CNTLN: variants seen among roughly 807,000 people sequenced by gnomAD.
The protein encoded by CNTLN is centlein.
In CNTLN, 212 loss-of-function variants were observed where a neutral mutation model predicts 180.0. The ratio of observed to expected loss-of-function variants is 1.18; its 90% CI spans 1.05 to 1.32. The LOEUF (loss-of-function observed/expected upper bound fraction) is 1.32, where lower values mean the gene tolerates loss of function less well. CNTLN is among the 40% of genes most tolerant of loss of function. The pLI is 0.00. For synonymous variants in CNTLN, 722 were observed against 563.1 expected, an observed-to-expected ratio of 1.28 and a Z score of -3.99; for missense variants, 2,095 against 1,610.9, an observed-to-expected ratio of 1.30 and a Z score of -5.14.
At chr9:17,398,605 T>C (rs1007294886) in intron 15 of CNTLN, among the ~76,000 whole-genome samples, 1 of 152,198 alleles carries the variant, frequency 6.6e-6, no homozygotes, top group African/African-American at 2.4e-5. Flanking sequence ...TGGTTCCAAC[T>C]GATTTCAGCT....
intron 8 of CNTLN, among the ~76,000 whole-genome samples, chr9:17,324,406 G>T (rs1469322923): frequency 6.6e-6 from 1 of 152,100 alleles, no homozygotes; most frequent in Non-Finnish European, 1.5e-5. Context: ...GAAATTTATA[G>T]AAAAATCAGT....
intron 8 of CNTLN, among the ~76,000 whole-genome samples, chr9:17,313,053 C>G (rs1425799397): frequency 6.6e-6 from 1 of 151,874 alleles, no homozygotes. Flanking sequence ...TAAATGGAAC[C>G]CTTTCTCATT....
At chr9:17,291,476 A>T (rs1050153301) in intron 6 of CNTLN, among the ~76,000 whole-genome samples, 4 of 152,114 alleles carry the variant, frequency 2.6e-5, no homozygotes, top group African/African-American at 9.7e-5. Flanking sequence ...TTGTTTTATG[A>T]ATCTGGGTGC....
At chr9:17,212,315 T>C (rs532326593) in intron 2 of CNTLN, among the ~76,000 whole-genome samples, 31 of 152,388 alleles carry the variant, frequency 2.0e-4, no homozygotes, top group Non-Finnish European at 4.3e-4. Flanking sequence ...GAGATAATCA[T>C]GTGGTTTTTG....
chr9:17,409,934 C>T (rs1354415145), intron 16 of CNTLN, among the ~76,000 whole-genome samples: 1 of 152,004 alleles, frequency 6.6e-6, no homozygotes, highest in Non-Finnish European at 1.5e-5. Context: ...TACATCATGG[C>T]ACCAAATGTT....
intron 5 of CNTLN, among the ~76,000 whole-genome samples, chr9:17,255,153 C>A (rs1321831224): frequency 1.3e-5 from 2 of 151,710 alleles, no homozygotes; most frequent in Non-Finnish European, 3.0e-5. Flanking sequence ...TTACTTCTGC[C>A]TTTTTGATTA....
chr9:17,150,587 G>A (rs1455634771), intron 2 of CNTLN, among the ~76,000 whole-genome samples: 2 of 152,190 alleles, frequency 1.3e-5, no homozygotes, highest in Non-Finnish European at 2.9e-5. Flanking sequence ...GTAGCATGAT[G>A]CCTCCAGCTT....
intron 8 of CNTLN, among the ~76,000 whole-genome samples, chr9:17,329,275 GGCAGCCCAACCA>G (rs1820493079): frequency 6.6e-6 from 1 of 151,916 alleles, no homozygotes; most frequent in South Asian, 2.1e-4. Flanking sequence ...AGTTTAGCTT[GGCAGCCCAACCA>G]AAGGAAATAT....
intron 12 of CNTLN, among the ~76,000 whole-genome samples, chr9:17,354,675 G>A (rs375152588): frequency 3.3e-5 from 5 of 152,042 alleles, no homozygotes; most frequent in African/African-American, 1.2e-4. Flanking sequence ...ACCAATCAGC[G>A]CCCTGTCAAA....
rs150724194 is a variant in CNTLN, at chr9:17,178,010, G to A, written c.449+34634G>A. ...AGTTCTCCACATCCCCACTAGATTA[G>A]CTAGATATAGAGTGTTGATTGGTGC... On this transcript the variant is annotated intron_variant, in intron 2 of 25. Coordinates refer to ENST00000380647, the MANE Select transcript of CNTLN (RefSeq NM_017738.4). Among the ~76,000 whole-genome samples the A allele has an allele frequency of 6.8e-3, 1,015 of 148,716 alleles. 1 individual carries two copies. Among genetic ancestry groups the A allele is most frequent in the African/African-American group, 0.019 (735 of 39,026 alleles).
intron 2 of CNTLN, among the ~76,000 whole-genome samples, chr9:17,202,027 T>A (rs1822568088): frequency 6.6e-6 from 1 of 152,210 alleles, no homozygotes; most frequent in Non-Finnish European, 1.5e-5. Context: ...AATTCTGGTA[T>A]GTTGTCTCTT....
At chr9:17,501,945 A>C (rs1312631396) in intron 25 of CNTLN, among the ~76,000 whole-genome samples, 1 of 152,180 alleles carries the variant, frequency 6.6e-6, no homozygotes, top group Non-Finnish European at 1.5e-5. Flanking sequence ...TGACCAGAAA[A>C]GTTATATAAA....
intron 7 of CNTLN, among the ~76,000 whole-genome samples, chr9:17,302,317 C>G (rs979983969): frequency 1.3e-5 from 2 of 152,100 alleles, no homozygotes; most frequent in Non-Finnish European, 2.9e-5. Flanking sequence ...CCCACCTTAG[C>G]CTCCCCAGTA....
chr9:17,351,859 A>G (rs1326939201), intron 12 of CNTLN, among the ~76,000 whole-genome samples: 1 of 152,236 alleles, frequency 6.6e-6, no homozygotes, highest in Admixed American at 6.5e-5. Context: ...AGTTCATTAT[A>G]TAACACACTT....
chr9:17,484,557 A>G (rs934084515), intron 24 of CNTLN, 77 bp downstream of exon 24: 1 of 1,187,514 alleles, frequency 8.4e-7, no homozygotes, highest in East Asian at 2.7e-5. Context: ...TTTGTTTTAT[A>G]CCTCTTAGAA....
chr9:17,487,162 C>A (rs763130978), intron 25 of CNTLN, 96 bp downstream of exon 25: 19 of 792,124 alleles, frequency 2.4e-5, no homozygotes, highest in Non-Finnish European at 4.4e-6. Flanking sequence ...AACACTTCCC[C>A]ATTGTTTACT....
chr9:17,210,885 C>T (rs1823253739), intron 2 of CNTLN, among the ~76,000 whole-genome samples: 1 of 152,110 alleles, frequency 6.6e-6, no homozygotes, highest in Admixed American at 6.5e-5. Context: ...ATCCTTTGCC[C>T]ACTTTTTGAT....
chr9:17,507,417 A>G (rs1833951989), downstream of CNTLN, among the ~76,000 whole-genome samples: 1 of 152,120 alleles, frequency 6.6e-6, no homozygotes. Context: ...GGTTGATTCC[A>G]TATCCTTGCT....
At chr9:17,445,771 G>A (rs1010289811) in intron 18 of CNTLN, among the ~76,000 whole-genome samples, 3 of 152,060 alleles carry the variant, frequency 2.0e-5, no homozygotes, top group African/African-American at 7.2e-5. Flanking sequence ...CCCCCAGCCC[G>A]ACACCCGTAA....
Sources: allele counts gnomAD v4.1 joint callset (sites outside exome capture counted in the v4.1 genomes callset), GRCh38; gene constraint gnomAD v4.1.1; transcripts MANE v1.5; gene names NCBI Gene and HGNC (gene_info 2026-07-23, HGNC 2026-07-21).